TSC22D2: variants seen among roughly 807,000 people sequenced by gnomAD.
TSC22D2 encodes TSC22 domain family member 2, also known as TSC22 domain family protein 2.
TSC22D2 carries 5 observed loss-of-function variants against 50.1 expected under a neutral mutation model. The observed-to-expected ratio is 0.10, with a 90% CI of 0.05 to 0.21. The LOEUF is 0.21. Among genes scored for constraint, TSC22D2 ranks in the 10% least tolerant of loss-of-function variants. The pLI, the probability that TSC22D2 is intolerant of heterozygous loss-of-function variation, is 1.00. For synonymous variants in TSC22D2, 501 were observed against 450.1 expected (o/e 1.11, Z -1.43); for missense variants, 1,003 against 1,015.5 (o/e 0.99, Z 0.17).
intron 1 of TSC22D2, among the ~76,000 whole-genome samples, chr3:150,423,883 A>T (rs189868198): frequency 6.6e-6 from 1 of 152,320 alleles, no homozygotes; most frequent in East Asian, 1.9e-4. Flanking sequence ...TAAAATTCAC[A>T]CAAAGCTCGT....
At chr3:150,458,000 A>G (rs1482566399) in intron 2 of TSC22D2, among the ~76,000 whole-genome samples, 1 of 152,238 alleles carries the variant, frequency 6.6e-6, no homozygotes, top group Non-Finnish European at 1.5e-5. Flanking sequence ...ATCACTTTAA[A>G]GCAGTACTAT....
intron 1 of TSC22D2, 60 bp downstream of exon 1, chr3:150,411,368 G>A: frequency 6.8e-7 from 1 of 1,469,046 alleles, no homozygotes; most frequent in Non-Finnish European, 9.0e-7. Context: ...TGTAGCTTAG[G>A]ATGCAACTTT....
chr3:150,443,937 A>C (rs1021135432), intron 1 of TSC22D2, among the ~76,000 whole-genome samples: 1 of 152,216 alleles, frequency 6.6e-6, no homozygotes, highest in African/African-American at 2.4e-5. Context: ...TCTATGATTT[A>C]GTCATCACCA....
intron 1 of TSC22D2, among the ~76,000 whole-genome samples, chr3:150,426,624 T>C (rs1450311167): frequency 6.6e-6 from 1 of 152,226 alleles, no homozygotes; most frequent in East Asian, 1.9e-4. Flanking sequence ...CTTGCAGGGC[T>C]TTTGTCTTCA....
chr3:150,430,145 G>A (rs1720333225), intron 1 of TSC22D2, among the ~76,000 whole-genome samples: 1 of 152,100 alleles, frequency 6.6e-6, no homozygotes, highest in African/African-American at 2.4e-5. Flanking sequence ...TGGAGGGATT[G>A]GTCAAAGCTT....
rs148379161 is a variant in TSC22D2, at chr3:150,409,510, G to A, written c.160G>A (p.Ala54Thr). ...VSSEIFDVSR[A>T]TDYGPEEVCE... ...CTCCGAGATTTTCGACGTCTCTCGG[G>A]CCACGGATTATGGCCCTGAGGAGGT... Residue 54 changes from alanine to threonine, a missense_variant, in exon 1 of 3, where the codon GCC (alanine) becomes ACC (threonine). Physicochemically the swap from Ala to Thr is moderately conservative, Grantham distance 58 (BLOSUM62 0). Transcript: ENST00000688009. The surrounding 1 kb of genome is among the most constrained non-coding windows in gnomAD (Gnocchi z 7.4). 2.6e-4 allele frequency: 416 copies of A among 1,613,006 alleles called. No individual in the cohort carries two copies. Among genetic ancestry groups the A allele is most frequent in the Non-Finnish European group, 3.3e-4 (391 of 1,179,586 alleles).
chr3:150,441,078 T>C (rs2108089359), intron 1 of TSC22D2, among the ~76,000 whole-genome samples: 2 of 149,650 alleles, frequency 1.3e-5, no homozygotes, highest in South Asian at 4.2e-4. Flanking sequence ...CATATAAACA[T>C]ATAAAATACA....
intron 1 of TSC22D2, among the ~76,000 whole-genome samples, chr3:150,439,688 C>G (rs1415086657): frequency 6.6e-6 from 1 of 151,910 alleles, no homozygotes; most frequent in Non-Finnish European, 1.5e-5. Context: ...TTTTTCAGAG[C>G]ATTTGTCAGA....
chr3:150,421,960 A>G (rs976527285), intron 1 of TSC22D2, among the ~76,000 whole-genome samples: 4 of 152,190 alleles, frequency 2.6e-5, no homozygotes, highest in Non-Finnish European at 5.9e-5. Flanking sequence ...TAAACTCTGG[A>G]ACTAGATTGC....
chr3:150,414,950 C>G (rs890689286), intron 1 of TSC22D2, among the ~76,000 whole-genome samples: 2 of 148,982 alleles, frequency 1.3e-5, no homozygotes, highest in African/African-American at 5.0e-5. Context: ...GTCTGAATCA[C>G]ATACTAGATA....
At chr3:150,411,720 C>T (rs1719579449) in intron 1 of TSC22D2, among the ~76,000 whole-genome samples, 1 of 151,536 alleles carries the variant, frequency 6.6e-6, no homozygotes, top group South Asian at 2.1e-4. Context: ...ACAAGTTTTC[C>T]TTTCTGGAAA....
chr3:150,450,157 A>C (rs1720999317), intron 1 of TSC22D2, among the ~76,000 whole-genome samples: 2 of 152,094 alleles, frequency 1.3e-5, no homozygotes, highest in South Asian at 4.1e-4. Context: ...TCTACGCTTT[A>C]CTGGCTAGCC....
chr3:150,458,674 A>AATC lies in TSC22D2; in HGVS notation c.*39_*41dup. Reference sequence around the variant, plus strand: ...CCTCATTAAGAAAAAAACTGAAAGCAATCTATCCTTGTGTGCCACTGGTGT... The same window carrying AATC: ...CCTCATTAAGAAAAAAACTGAAAGCAATCATCTATCCTTGTGTGCCACTGGTGT... On this transcript the variant is annotated 3_prime_UTR_variant, in exon 3 of 3. Transcript: ENST00000688009. The AATC allele has an allele frequency of 6.2e-7, 1 of 1,607,742 alleles. No homozygotes were observed. Among genetic ancestry groups the AATC allele is most frequent in the Non-Finnish European group, 8.5e-7 (1 of 1,176,942 alleles).
At chr3:150,444,135 A>T (rs1001882589) in intron 1 of TSC22D2, among the ~76,000 whole-genome samples, 7 of 152,186 alleles carry the variant, frequency 4.6e-5, no homozygotes, top group Non-Finnish European at 1.0e-4. Flanking sequence ...TGCAAGGAAC[A>T]TCAAAAACCT....
rs1721436218 is a variant in TSC22D2 at position 150,462,189 on chromosome 3, G to C, written c.*3553G>C. On this transcript the variant is annotated 3_prime_UTR_variant, in exon 3 of 3. Transcript: ENST00000688009. ...CACCTGAGTCTTGAAGGTCATAAGA[G>C]CCAGAGGGAAGGGTGTTCCAAGCAC... 1 of 152,170 alleles carries C rather than the reference G, an allele frequency of 6.6e-6. No homozygotes were observed. The highest frequency in any genetic ancestry group is 6.5e-5 in the Admixed American group (1 of 15,268). The allele number at this position is 152,170 out of a possible 1,614,324, so 9.4% of individuals were successfully genotyped here. A position where few individuals can be genotyped will look rare whatever the true frequency, so the allele number is the denominator to read the frequency against.
In TSC22D2 at chr3:150,459,743, G is replaced by A. The variant is rs1244768729; in HGVS notation, c.*1107G>A. 1.3e-5 allele frequency: 2 copies of A among 149,192 alleles called. No homozygotes were observed. The highest frequency in any genetic ancestry group is 3.0e-5 in the Non-Finnish European group (2 of 67,566). 9.2% of individuals were successfully genotyped at this position (149,192 alleles called of 1,614,324 possible). On this transcript the variant is annotated 3_prime_UTR_variant, in exon 3 of 3. Transcript: ENST00000688009. ...TTATCCAGCACTCTTATTGTAATAT[G>A]TACTAGTCTGTGAACAATGTCAAAT... is the stretch of plus-strand genomic sequence containing the variant.
chr3:150,445,047 A>G (rs1431377330), intron 1 of TSC22D2, among the ~76,000 whole-genome samples: 1 of 152,072 alleles, frequency 6.6e-6, no homozygotes, highest in Non-Finnish European at 1.5e-5. Flanking sequence ...TCTTTTTGGA[A>G]ATTTTTATTT....
chr3:150,433,709 A>T (rs1041501633), intron 1 of TSC22D2, among the ~76,000 whole-genome samples: 41 of 152,230 alleles, frequency 2.7e-4, no homozygotes, highest in African/African-American at 8.7e-4. Flanking sequence ...TAGAGTAGTC[A>T]TAACTACTTT....
At chr3:150,423,678 A>G (rs1720085256) in intron 1 of TSC22D2, among the ~76,000 whole-genome samples, 1 of 152,180 alleles carries the variant, frequency 6.6e-6, no homozygotes, top group Non-Finnish European at 1.5e-5. Context: ...AATGTTGTAT[A>G]GATTTTACTG....
Sources: gnomAD v4.1 joint callset for allele counts (sites outside exome capture counted in the v4.1 genomes callset) on GRCh38, gnomAD v4.1.1 for gene constraint, Gnocchi (gnomAD v3.1) non-coding constraint, MANE v1.5 for transcripts, NCBI Gene and HGNC (gene_info 2026-07-23, HGNC 2026-07-21) for gene names.